Variants in PDGFRA observed in about 807,000 individuals in gnomAD.
PDGFRA encodes platelet-derived growth factor receptor alpha.
In PDGFRA, 25 loss-of-function variants were observed where a neutral mutation model predicts 121.5. The observed-to-expected ratio is 0.21, with a 90% confidence interval of 0.15 to 0.29. The LOEUF (loss-of-function observed/expected upper bound fraction) is 0.29. Ranked by LOEUF, PDGFRA falls within the 10% of genes least tolerant of loss-of-function variation. The pLI, the probability that PDGFRA is intolerant of heterozygous loss-of-function variation, is 1.00. For missense variants in PDGFRA, 1,008 were observed against 1,345.1 expected, an observed-to-expected ratio of 0.75 and a Z score of 3.92; for synonymous variants, 463 against 494.8, an observed-to-expected ratio of 0.94 and a Z score of 0.85.
chr4:54,291,634 G>A (rs1724637121), intron 22 of PDGFRA, among the ~76,000 whole-genome samples: 1 of 152,114 alleles, frequency 6.6e-6, no homozygotes, highest in Non-Finnish European at 1.5e-5. Flanking sequence ...AATAACAGAT[G>A]CTGGTGAGGT....
chr4:54,281,593 G>C, intron 16 of PDGFRA: 1 of 1,351,910 alleles, frequency 7.4e-7, no homozygotes, highest in South Asian at 1.2e-5. Context: ...TGGGCTGGTG[G>C]AGTTGGCACG....
intron 1 of PDGFRA, chr4:54,240,039 G>GA (rs1352222441): frequency 2.4e-6 from 1 of 421,596 alleles, no homozygotes; most frequent in Non-Finnish European, 4.8e-6. Flanking sequence ...TTTTTGTAGA[G>GA]ACGGGGTTTT....
chr4:54,242,432 G>A (rs1344133519), intron 1 of PDGFRA, among the ~76,000 whole-genome samples: 1 of 152,106 alleles, frequency 6.6e-6, no homozygotes, highest in African/African-American at 2.4e-5. Context: ...AGAGATGTTG[G>A]CTATTTGTCC....
chr4:54,282,028 T>A, intron 16 of PDGFRA: 4 of 932,318 alleles, frequency 4.3e-6, no homozygotes, highest in Non-Finnish European at 5.2e-6. Context: ...TCATGGAAGA[T>A]TTTAGTGTGT....
In PDGFRA at chr4:54,284,918, C is replaced by G. The variant is rs368537644; in HGVS notation, c.2324-453C>G. Among the ~76,000 whole-genome samples the G allele has an allele frequency of 1.2e-4, 13 of 112,644 alleles. No homozygotes were observed. The South Asian group carries it at 3.7e-3, about 32-fold the overall frequency. 73.9% of individuals were successfully genotyped at this position (112,644 alleles called of 152,430 possible). ...TTTTTTTTTGAGACAGAGTCTCACT[C>G]TGTCACCCAGGCTGCAGTGCAGTGG... On this transcript the variant is annotated intron_variant, in intron 16 of 22. Coordinates refer to ENST00000257290, the MANE Select transcript of PDGFRA (RefSeq NM_006206.6).
intron 8 of PDGFRA, 68 bp from the exon 9 acceptor site, chr4:54,272,326 C>T (rs1723445082): frequency 1.3e-6 from 2 of 1,567,714 alleles, no homozygotes; most frequent in East Asian, 2.2e-5. Flanking sequence ...AACTCATATT[C>T]CACTTTGTAG....
chr4:54,280,246 C>A (rs963147523), intron 15 of PDGFRA, 70 bp from the exon 16 acceptor site: 1 of 337,778 alleles, frequency 3.0e-6, no homozygotes, highest in Non-Finnish European at 4.9e-6. Flanking sequence ...ACATAATCAT[C>A]ATCTACTGAA....
At chr4:54,265,720 A>G (rs563769630) in intron 5 of PDGFRA, among the ~76,000 whole-genome samples, 13 of 152,356 alleles carry the variant, frequency 8.5e-5, no homozygotes, top group Non-Finnish European at 1.5e-4. Flanking sequence ...CTGGAGATTT[A>G]CAGAGTCTCA....
At chr4:54,292,444 C>A (rs1724677263) in intron 22 of PDGFRA, among the ~76,000 whole-genome samples, 1 of 152,160 alleles carries the variant, frequency 6.6e-6, no homozygotes. Context: ...CACATGTTCT[C>A]ACTTATAAGT....
In PDGFRA at chr4:54,265,000, T is replaced by C. The variant is rs1190791014; in HGVS notation, c.710T>C (p.Val237Ala). 1 of 1,613,742 alleles carries C rather than the reference T, an allele frequency of 6.2e-7. No homozygotes were observed. The highest frequency in any genetic ancestry group is 8.5e-7 in the Non-Finnish European group (1 of 1,179,700). The change falls in exon 5 of 23, where the codon GTT becomes GCT. Residue 237 changes from valine to alanine, a missense_variant. By Grantham distance (64) the Val-to-Ala change is moderately conservative. This residue lies in a region of PDGFRA where 575 missense variants were observed against 701.8 expected (regional missense o/e 0.82). Coordinates refer to ENST00000257290, the MANE Select transcript of PDGFRA (RefSeq NM_006206.6). ...GAAACGATTGTGGTCACCTGTGCTG[T>C]TTTTAACAATGAGGTGGTTGACCTT... ...SGETIVVTCA[V>A]FNNEVVDLQW...
Position 54,242,319 on chromosome 4 carries a change from A to T in PDGFRA, c.-13+12904A>T, listed in dbSNP as rs1406426635. On this transcript the variant is annotated intron_variant, in intron 1 of 22. Coordinates refer to ENST00000257290, the MANE Select transcript of PDGFRA (RefSeq NM_006206.6). ...TTGGATCTTGTAAAAATTGCTTGCCATCTCTTTGGAGATACCTCTTGTGTC... is the reference window on the plus strand; with the variant it reads ...TTGGATCTTGTAAAAATTGCTTGCCTTCTCTTTGGAGATACCTCTTGTGTC... 3.9e-5 allele frequency among the ~76,000 whole-genome samples: 6 copies of T among 152,230 alleles called. No individual in the cohort carries two copies. The South Asian group carries it at 1.2e-3, about 32-fold the overall frequency.
chr4:54,233,871 C>T (rs1720852575), intron 1 of PDGFRA, among the ~76,000 whole-genome samples: 1 of 152,134 alleles, frequency 6.6e-6, no homozygotes, highest in Non-Finnish European at 1.5e-5. Flanking sequence ...TATTGTGCAA[C>T]GGTAACAGTC....
intron 1 of PDGFRA, among the ~76,000 whole-genome samples, chr4:54,244,972 T>C (rs550958080): frequency 2.0e-5 from 3 of 152,108 alleles, no homozygotes; most frequent in Admixed American, 2.0e-4. Context: ...GTATCAGTGA[T>C]GGAAGATGAA....
Position 54,272,275 on chromosome 4 carries a change from G to A in PDGFRA, c.1238-119G>A. On this transcript the variant is annotated intron_variant, in intron 8 of 22. Coordinates refer to ENST00000257290, the MANE Select transcript of PDGFRA (RefSeq NM_006206.6). ...AGTGTTACTTGTACAACTGGTTTCA[G>A]CCCCTCCGGAGTGTTTTGAATGCCA... 2.9e-6 allele frequency: 3 copies of A among 1,022,370 alleles called. No individual in the cohort carries two copies. The South Asian group carries it at 3.9e-5, about 13-fold the overall frequency. The allele number at this position is 1,022,370 out of a possible 1,614,324, so 63.3% of individuals were successfully genotyped here.
rs1724842286 is a variant in PDGFRA, at chr4:54,295,551, A to G, written c.*279A>G. The G allele has an allele frequency of 1.2e-5, 6 of 485,024 alleles. No individual in the cohort carries two copies. Among genetic ancestry groups the G allele is most frequent in the Non-Finnish European group, 1.9e-5 (5 of 264,438 alleles). 30.0% of individuals were successfully genotyped at this position (485,024 alleles called of 1,614,324 possible). ...GGGAATAATAGGCCACAGAAGGTGA[A>G]CTTTGTGCTTCAAGGACATTGGTGA... On this transcript the variant is annotated 3_prime_UTR_variant, in exon 23 of 23. Coordinates refer to ENST00000257290, the MANE Select transcript of PDGFRA (RefSeq NM_006206.6).
intron 1 of PDGFRA, among the ~76,000 whole-genome samples, chr4:54,233,286 G>A (rs1010160788): frequency 6.6e-6 from 1 of 152,202 alleles, no homozygotes; most frequent in African/African-American, 2.4e-5. Context: ...AGCGGACCGC[G>A]CAGTGTTCCT....
At chr4:54,288,988 T>C in intron 20 of PDGFRA, 21 bp from the exon 21 acceptor site, 2 of 1,566,040 alleles carry the variant, frequency 1.3e-6, no homozygotes, top group Non-Finnish European at 1.8e-6. Flanking sequence ...CTGTGCCCAC[T>C]CTTGAGTTCT....
chr4:54,236,888 A>G (rs952547340), intron 1 of PDGFRA, among the ~76,000 whole-genome samples: 1 of 152,180 alleles, frequency 6.6e-6, no homozygotes, highest in Non-Finnish European at 1.5e-5. Flanking sequence ...CTGTTATCAG[A>G]GATTGGGGTT....
chr4:54,276,660 A>T (rs889929834), intron 12 of PDGFRA: 1 of 152,384 alleles, frequency 6.6e-6, no homozygotes, highest in African/African-American at 2.4e-5. Flanking sequence ...ATTTTCAGTA[A>T]CACAGACGTG....
Sources: allele counts gnomAD v4.1 joint callset (sites outside exome capture counted in the v4.1 genomes callset), GRCh38; gene constraint gnomAD v4.1.1; regional missense constraint gnomAD v4.1.1; transcripts MANE v1.5; gene names NCBI Gene and HGNC (gene_info 2026-07-23, HGNC 2026-07-21).